ANAPC10: variants seen among roughly 807,000 people sequenced by gnomAD.
ANAPC10 encodes the protein anaphase-promoting complex subunit 10.
A neutral mutation model predicts 22.0 loss-of-function variants in ANAPC10; 12 were observed. The observed-to-expected ratio is 0.55, with a 90% CI of 0.35 to 0.88. The LOEUF (loss-of-function observed/expected upper bound fraction) is 0.88. Ranked by LOEUF, ANAPC10 falls within the 40% of genes least tolerant of loss-of-function variation. The pLI, the probability that ANAPC10 is intolerant of heterozygous loss-of-function variation, is 0.01. For synonymous variants in ANAPC10, 65 were observed against 69.5 expected (o/e 0.94, Z 0.32); for missense variants, 188 against 220.9 (o/e 0.85, Z 0.94).
intron 4 of ANAPC10, among the ~76,000 whole-genome samples, chr4:145,059,001 ACTAG>A (rs1742482692): frequency 6.6e-6 from 1 of 152,190 alleles, no homozygotes; most frequent in African/African-American, 2.4e-5. Context: ...AATCTTTTAA[ACTAG>A]CTAAATTCAA....
intron 4 of ANAPC10, among the ~76,000 whole-genome samples, chr4:145,051,411 T>C (rs1741081485): frequency 6.6e-6 from 1 of 152,108 alleles, no homozygotes; most frequent in Admixed American, 6.6e-5. Flanking sequence ...ATGAAAAGGT[T>C]TGAAATATTG....
intron 4 of ANAPC10, among the ~76,000 whole-genome samples, chr4:145,044,495 C>T (rs1739997697): frequency 6.6e-6 from 1 of 152,086 alleles, no homozygotes; most frequent in African/African-American, 2.4e-5. Flanking sequence ...CCACCATGAC[C>T]CACCTCCACC....
At chr4:145,022,011 T>C (rs930130434) in intron 4 of ANAPC10, among the ~76,000 whole-genome samples, 4 of 151,844 alleles carry the variant, frequency 2.6e-5, no homozygotes, top group Admixed American at 1.3e-4. Context: ...AAAAAATCAG[T>C]AGATGTTGCT....
At chr4:145,044,667 T>C (rs1362905975) in intron 4 of ANAPC10, among the ~76,000 whole-genome samples, 1 of 152,158 alleles carries the variant, frequency 6.6e-6, no homozygotes. Context: ...TTGGTCTTTC[T>C]GCCTGATAGC....
chr4:145,066,845 T>C (rs945662745), intron 3 of ANAPC10, among the ~76,000 whole-genome samples: 3 of 152,056 alleles, frequency 2.0e-5, no homozygotes, highest in East Asian at 1.9e-4. Context: ...AGGGAACAGT[T>C]GAAATTAAAA....
intron 3 of ANAPC10, among the ~76,000 whole-genome samples, chr4:145,071,176 G>A (rs1182905162): frequency 6.6e-6 from 1 of 152,210 alleles, no homozygotes; most frequent in Non-Finnish European, 1.5e-5. Flanking sequence ...GGAGGCTGAG[G>A]AGGGCAGAGC....
At chr4:144,999,486 GAAGGAGAACTACACAACCACTTCTCTTC>G (rs1439483620) in intron 4 of ANAPC10, among the ~76,000 whole-genome samples, 1 of 152,054 alleles carries the variant, frequency 6.6e-6, no homozygotes, top group African/African-American at 2.4e-5. Flanking sequence ...CAAGGGATGT[GAAGGAGAACTACACAACCACTTCTCTTC>G]AAGGAGAACT....
intron 4 of ANAPC10, among the ~76,000 whole-genome samples, chr4:145,038,723 G>A (rs1739006814): frequency 6.6e-6 from 1 of 151,056 alleles, no homozygotes; most frequent in Non-Finnish European, 1.5e-5. Flanking sequence ...TCAAGAGGCT[G>A]AGGCAGGAGA....
At chr4:145,075,779 G>A (rs1463264651) in intron 3 of ANAPC10, among the ~76,000 whole-genome samples, 1 of 152,194 alleles carries the variant, frequency 6.6e-6, no homozygotes, top group Non-Finnish European at 1.5e-5. Flanking sequence ...TGCTTGGAGA[G>A]TTAGCAGGCA....
chr4:145,072,947 G>A (rs1744694621), intron 3 of ANAPC10, among the ~76,000 whole-genome samples: 1 of 151,294 alleles, frequency 6.6e-6, no homozygotes. Flanking sequence ...ACCCAGGCTG[G>A]AGTGCAGTGG....
intron 4 of ANAPC10, among the ~76,000 whole-genome samples, chr4:145,001,274 AG>A (rs1325403020): frequency 6.6e-6 from 1 of 151,550 alleles, no homozygotes; most frequent in African/African-American, 2.4e-5. Context: ...GAAAGAAAGA[AG>A]AAAAGAAAAG....
At chr4:145,011,843 A>G (rs1734364132) in intron 4 of ANAPC10, among the ~76,000 whole-genome samples, 1 of 152,074 alleles carries the variant, frequency 6.6e-6, no homozygotes, top group African/African-American at 2.4e-5. Flanking sequence ...GTTTTTGGCA[A>G]TTTTTCAGGG....
chr4:145,021,415 A>G (rs759850398), intron 4 of ANAPC10, among the ~76,000 whole-genome samples: 1 of 152,090 alleles, frequency 6.6e-6, no homozygotes, highest in Admixed American at 6.6e-5. Context: ...ACAAAAACAT[A>G]AAGTGGGGAA....
chr4:145,007,854 CA>C (rs372431479), intron 4 of ANAPC10, among the ~76,000 whole-genome samples: 2 of 62,094 alleles, frequency 3.2e-5, no homozygotes, highest in Non-Finnish European at 6.1e-5. Context: ...CACAGAGACA[CA>C]AAAAAAACCC....
intron 2 of ANAPC10, among the ~76,000 whole-genome samples, chr4:145,086,749 C>A (rs1320028393): frequency 1.3e-5 from 2 of 151,812 alleles, no homozygotes; most frequent in Non-Finnish European, 2.9e-5. Flanking sequence ...TAGAAACACT[C>A]CCCCAACTCC....
intron 4 of ANAPC10, among the ~76,000 whole-genome samples, chr4:145,003,268 T>A (rs1372854356): frequency 1.3e-5 from 2 of 152,212 alleles, no homozygotes; most frequent in African/African-American, 4.8e-5. Context: ...TATGTACATT[T>A]AAAAAATCTA....
intron 4 of ANAPC10, among the ~76,000 whole-genome samples, chr4:145,047,760 G>C (rs556795900): frequency 6.6e-6 from 1 of 152,022 alleles, no homozygotes; most frequent in Non-Finnish European, 1.5e-5. Flanking sequence ...AAATTGATGA[G>C]ATTATTGTTC....
chr4:145,053,315 C>G (rs568312542), intron 4 of ANAPC10, among the ~76,000 whole-genome samples: 1 of 152,292 alleles, frequency 6.6e-6, no homozygotes, highest in African/African-American at 2.4e-5. Context: ...AACATATTAT[C>G]TGAACAATTT....
In ANAPC10 at chr4:145,028,788, C is replaced by T. The variant is rs144156902; in HGVS notation, c.328-33185G>A. ...TGACACTACACATAATACCTTTGACCATATGTGGAGAACCAAGGAACATAA... is the reference window on the plus strand; with the variant it reads ...TGACACTACACATAATACCTTTGACTATATGTGGAGAACCAAGGAACATAA... On this transcript the variant is annotated intron_variant, in intron 4 of 4. Coordinates refer to ENST00000507656, the MANE Select transcript of ANAPC10 (RefSeq NM_001256706.2). Among the ~76,000 whole-genome samples the T allele has an allele frequency of 3.9e-5, 6 of 152,244 alleles. No individual in the cohort carries two copies. In the East Asian group the frequency reaches 1.2e-3, roughly 29 times the overall value.
Sources: gnomAD v4.1 joint callset for allele counts (sites outside exome capture counted in the v4.1 genomes callset) on GRCh38, gnomAD v4.1.1 for gene constraint, MANE v1.5 for transcripts, NCBI Gene and HGNC (gene_info 2026-07-23, HGNC 2026-07-21) for gene names.